MAP4: variants seen among roughly 807,000 people sequenced by gnomAD.
The protein encoded by MAP4 is microtubule-associated protein 4.
MAP4 carries 76 observed loss-of-function variants against 170.2 expected under a neutral mutation model. The observed-to-expected ratio is 0.45, with a 90% CI of 0.37 to 0.54. The LOEUF (loss-of-function observed/expected upper bound fraction) is 0.54, where lower values mean the gene tolerates loss of function less well. Ranked by LOEUF, MAP4 falls within the 20% of genes least tolerant of loss-of-function variation. The pLI, the probability that MAP4 is intolerant of heterozygous loss-of-function variation, is 0.00. For synonymous variants in MAP4, 909 were observed against 994.5 expected, an observed-to-expected ratio of 0.91 and a Z score of 1.62; for missense variants, 2,506 against 2,748.0, an observed-to-expected ratio of 0.91 and a Z score of 1.97.
At chr3:47,947,259 A>G (rs1196064205) in intron 3 of MAP4, among the ~76,000 whole-genome samples, 1 of 152,208 alleles carries the variant, frequency 6.6e-6, no homozygotes, top group Non-Finnish European at 1.5e-5. Flanking sequence ...GTCTGCCAGC[A>G]GGGTCAGTGG....
Position 47,870,927 on chromosome 3 carries a change from G to A in MAP4, c.6180C>T (p.Ser2060=), listed in dbSNP as rs2152046912. The A allele has an allele frequency of 6.2e-7, 1 of 1,614,134 alleles. No homozygotes were observed. The highest frequency in any genetic ancestry group is 2.2e-5 in the East Asian group (1 of 44,880). Residue 2060 remains serine (S), a synonymous_variant, in exon 15 of 21, where the codon TCC becomes TCT. Transcript: ENST00000683076. Reference sequence around the variant, plus strand: ...CCAGGCGGCTGAGCCGGGGGGTGGTGGAGCTGGGTTTGGCCGAGGTGGGCT... The same window carrying A: ...CCAGGCGGCTGAGCCGGGGGGTGGTAGAGCTGGGTTTGGCCGAGGTGGGCT... The part of the protein sequence containing the change: ...DKKPTSAKPS[S]TTPRLSRLAT...
At position 47,998,883 on chromosome 3, in the gene MAP4, G is replaced by A; in HGVS notation, c.-19-4C>T. The A allele has an allele frequency of 6.6e-7, 1 of 1,523,580 alleles. No individual in the cohort carries two copies. Among genetic ancestry groups the A allele is most frequent in the Non-Finnish European group, 9.1e-7 (1 of 1,098,014 alleles). 94.4% of individuals were successfully genotyped at this position (1,523,580 alleles called of 1,614,324 possible). ...CATTCTGCACCACTGCAACTGCCTG[G>A]TGAAGAGGAAAAAGATCTTTCATGT... On this transcript the variant is annotated splice_region_variant and splice_polypyrimidine_tract_variant and intron_variant, in intron 1 of 20. Coordinates refer to ENST00000683076, the MANE Select transcript of MAP4 (RefSeq NM_001385682.1).
chr3:48,035,335 TA>T (rs1266824053), intron 1 of MAP4, among the ~76,000 whole-genome samples: 1 of 144,604 alleles, frequency 6.9e-6, no homozygotes, highest in South Asian at 2.3e-4. Context: ...CCAACCCATA[TA>T]AAAAAATAAG....
Position 47,892,151 on chromosome 3 carries a change from C to G in MAP4, c.5434+10799G>C, listed in dbSNP as rs745421365. The G allele has an allele frequency of 1.8e-5, 28 of 1,536,086 alleles. No individual in the cohort carries two copies. In the African/African-American group the frequency reaches 3.4e-4, roughly 19 times the overall value. On this transcript the variant is annotated intron_variant, in intron 10 of 20. Coordinates refer to ENST00000683076, the MANE Select transcript of MAP4 (RefSeq NM_001385682.1). ...TACCGAGTTCCCCTCCAAGGGATGG[C>G]AGGTCTCTGAAATCACATACCTGCT...
intron 1 of MAP4, among the ~76,000 whole-genome samples, chr3:48,087,618 T>A (rs550673059): frequency 6.6e-6 from 1 of 152,108 alleles, no homozygotes; most frequent in African/African-American, 2.4e-5. Context: ...TATCCCCTGA[T>A]GCAATGCCAC....
At chr3:47,891,320 A>C in intron 10 of MAP4, 1 of 1,536,158 alleles carries the variant, frequency 6.5e-7, no homozygotes, top group Non-Finnish European at 8.7e-7. Flanking sequence ...CTTCTTGGCC[A>C]CTGGTTCCTC....
intron 3 of MAP4, among the ~76,000 whole-genome samples, chr3:47,943,848 T>C (rs571702055): frequency 4.6e-5 from 7 of 151,970 alleles, no homozygotes; most frequent in Middle Eastern, 6.8e-3. Flanking sequence ...TGGCCACAGG[T>C]GAAGGATGCT....
At chr3:47,864,664 G>A (rs1471422857) in intron 17 of MAP4, among the ~76,000 whole-genome samples, 2 of 151,842 alleles carry the variant, frequency 1.3e-5, no homozygotes, top group African/African-American at 2.4e-5. Flanking sequence ...GTGACAGATC[G>A]AGACTCCGTC....
At chr3:47,975,570 C>A in intron 3 of MAP4, 1 of 767,272 alleles carries the variant, frequency 1.3e-6, no homozygotes, top group South Asian at 1.5e-5. Context: ...ACAAGATGCT[C>A]ATAAACCAAA....
rs60278910 is a variant in MAP4, at chr3:48,079,539, C to T, written c.-20+9234G>A. Reference sequence around the variant, plus strand: ...GCCTGGTGGTGTGCACCTGTACTCCCAACTACTTGGGAGGCTGAGGCAGGA... The same window carrying T: ...GCCTGGTGGTGTGCACCTGTACTCCTAACTACTTGGGAGGCTGAGGCAGGA... On this transcript the variant is annotated intron_variant, in intron 1 of 18. Transcript: ENST00000360240. Among the ~76,000 whole-genome samples, 522 of 151,916 alleles carry T rather than the reference C, an allele frequency of 3.4e-3. 4 individuals carry two copies. The highest frequency in any genetic ancestry group is 0.012 in the African/African-American group (489 of 41,438).
At chr3:47,882,465 C>T (rs2152742799) in intron 10 of MAP4, among the ~76,000 whole-genome samples, 2 of 151,618 alleles carry the variant, frequency 1.3e-5, no homozygotes, top group African/African-American at 4.8e-5. Context: ...CAAATTACAT[C>T]TCACCCAAGG....
chr3:48,029,282 A>AGGGGTAACT (rs2100114729), intron 1 of MAP4, among the ~76,000 whole-genome samples: 1 of 152,124 alleles, frequency 6.6e-6, no homozygotes, highest in East Asian at 1.9e-4. Flanking sequence ...TACTAAAAAT[A>AGGGGTAACT]CAAAAATTAG....
intron 1 of MAP4, among the ~76,000 whole-genome samples, chr3:48,002,954 A>AAATAAAT (rs1553716046): frequency 6.9e-6 from 1 of 144,686 alleles, no homozygotes; most frequent in Non-Finnish European, 1.5e-5. Context: ...ATTAAGGCCA[A>AAATAAAT]AAATAAATAA....
chr3:47,919,017 C>T (rs950130509), intron 5 of MAP4, among the ~76,000 whole-genome samples, 176 bp from the exon 6 acceptor site: 7 of 151,900 alleles, frequency 4.6e-5, no homozygotes, highest in Admixed American at 1.3e-4. Flanking sequence ...CTGCAAGCTC[C>T]GCTTCCCGGG....
rs1465246816 is a variant in MAP4, at chr3:47,909,192, T to C, written c.5229A>G (p.Ser1743=). The C allele has an allele frequency of 3.7e-6, 6 of 1,613,916 alleles. No individual in the cohort carries two copies. In the African/African-American group the frequency reaches 8.0e-5, roughly 22 times the overall value. The change falls in exon 9 of 21, where the codon TCA becomes TCG. Residue 1743 remains serine, a synonymous_variant. Coordinates refer to ENST00000683076, the MANE Select transcript of MAP4 (RefSeq NM_001385682.1). Reference sequence around the variant, plus strand: ...CCTTTTTCCCTTCTCCTGGTGTCTTTGATTCAGATTTTTCTGTCATTTTCT... The same window carrying C: ...CCTTTTTCCCTTCTCCTGGTGTCTTCGATTCAGATTTTTCTGTCATTTTCT... ...TPQKMTEKSE[S]KTPGEGKKED...
intron 10 of MAP4, among the ~76,000 whole-genome samples, chr3:47,880,472 T>TTG (rs2096532384): frequency 1.4e-5 from 2 of 145,726 alleles, no homozygotes; most frequent in South Asian, 2.2e-4. Context: ...TCAGTTTTTT[T>TTG]TTTTTTTTTT....
At chr3:47,928,044 C>T (rs778942420) in intron 4 of MAP4, among the ~76,000 whole-genome samples, 184 bp downstream of exon 4, 35 of 152,154 alleles carry the variant, frequency 2.3e-4, no homozygotes, top group Non-Finnish European at 4.1e-4. Flanking sequence ...GAGCAGGGAA[C>T]TAGAGGGCAT....
At chr3:47,882,172 G>A (rs746262481) in intron 10 of MAP4, among the ~76,000 whole-genome samples, 11 of 152,140 alleles carry the variant, frequency 7.2e-5, no homozygotes, top group Non-Finnish European at 1.5e-4. Flanking sequence ...CCAGCTACTT[G>A]GGAGGCTGAG....
At chr3:48,079,237 A>G (rs1423428053) in intron 1 of MAP4, among the ~76,000 whole-genome samples, 1 of 152,144 alleles carries the variant, frequency 6.6e-6, no homozygotes, top group African/African-American at 2.4e-5. Context: ...GGAAATGCTC[A>G]CTAGAGAGCA....
Sources: gnomAD v4.1 joint callset for allele counts (sites outside exome capture counted in the v4.1 genomes callset) on GRCh38, gnomAD v4.1.1 for gene constraint, MANE v1.5 for transcripts, NCBI Gene and HGNC (gene_info 2026-07-23, HGNC 2026-07-21) for gene names.